Variants in FER observed in about 807,000 individuals in gnomAD.
FER encodes tyrosine-protein kinase Fer.
Under a neutral mutation model 111.0 loss-of-function variants are expected in FER, and 63 were observed. That is an observed-to-expected ratio of 0.57 (90% CI 0.46 to 0.70). The LOEUF (loss-of-function observed/expected upper bound fraction) is 0.70. Ranked by LOEUF, FER falls within the 30% of genes least tolerant of loss-of-function variation. FER has a pLI of 0.00. For synonymous variants in FER, 327 were observed against 313.9 expected (o/e 1.04, Z -0.44); for missense variants, 914 against 954.0 (o/e 0.96, Z 0.55).
At chr5:109,117,865 T>G (rs572294929) in intron 17 of FER, among the ~76,000 whole-genome samples, 6 of 152,014 alleles carry the variant, frequency 3.9e-5, no homozygotes, top group East Asian at 1.9e-4. Flanking sequence ...TTTTGTATCC[T>G]GAGACTTTGC....
intron 13 of FER, among the ~76,000 whole-genome samples, chr5:108,962,262 T>G (rs189568350): frequency 6.6e-6 from 1 of 152,330 alleles, no homozygotes; most frequent in Non-Finnish European, 1.5e-5. Context: ...AAGAAATTTT[T>G]GTAAAGAGGG....
chr5:108,773,254 T>A (rs1261254228), intron 2 of FER, among the ~76,000 whole-genome samples: 1 of 152,154 alleles, frequency 6.6e-6, no homozygotes, highest in African/African-American at 2.4e-5. Context: ...GGTAAACATG[T>A]GCCATGGTGG....
intron 3 of FER, among the ~76,000 whole-genome samples, chr5:108,826,979 TTAAG>T (rs936616951): frequency 6.6e-6 from 1 of 152,174 alleles, no homozygotes; most frequent in Non-Finnish European, 1.5e-5. Context: ...TAGAGACAAT[TTAAG>T]TAGCACCAAA....
intron 17 of FER, among the ~76,000 whole-genome samples, chr5:109,142,398 C>T (rs980513838): frequency 6.6e-6 from 1 of 151,972 alleles, no homozygotes; most frequent in African/African-American, 2.4e-5. Flanking sequence ...GATGGTGAGC[C>T]ACTGAACAGG....
chr5:108,910,726 C>G (rs1353864220), intron 10 of FER, among the ~76,000 whole-genome samples: 7 of 151,914 alleles, frequency 4.6e-5, no homozygotes, highest in Admixed American at 1.3e-4. Flanking sequence ...TAAGTGAGAA[C>G]ATACGGTATT....
intron 10 of FER, among the ~76,000 whole-genome samples, chr5:108,938,494 G>T (rs1213123899): frequency 6.6e-6 from 1 of 152,006 alleles, no homozygotes; most frequent in African/African-American, 2.4e-5. Flanking sequence ...GTGTTTAGTT[G>T]CTTGGGTGTG....
At chr5:109,187,296 T>C in intron 19 of FER, 137 bp from the exon 20 acceptor site, 2 of 813,312 alleles carry the variant, frequency 2.5e-6, no homozygotes, top group Non-Finnish European at 3.8e-6. Flanking sequence ...AAACTCAGCC[T>C]CCCCAGAAAT....
intron 3 of FER, among the ~76,000 whole-genome samples, chr5:108,828,426 C>T (rs966869089): frequency 5.3e-5 from 8 of 151,990 alleles, no homozygotes; most frequent in Non-Finnish European, 7.4e-5. Context: ...CACTTCTTTC[C>T]GTCAGTCTCT....
chr5:108,874,631 C>A (rs1245157844), intron 8 of FER, among the ~76,000 whole-genome samples: 2 of 147,588 alleles, frequency 1.4e-5, no homozygotes, highest in African/African-American at 2.5e-5. Flanking sequence ...TTTTTTTTAA[C>A]TTAGTAGTGC....
chr5:109,067,568 T>C (rs1310796234), intron 16 of FER, among the ~76,000 whole-genome samples: 2 of 152,146 alleles, frequency 1.3e-5, no homozygotes, highest in Non-Finnish European at 2.9e-5. Context: ...CTTGGAGTTA[T>C]TTACATCAGT....
chr5:109,117,814 G>C (rs1018362141), intron 17 of FER, among the ~76,000 whole-genome samples: 7 of 151,564 alleles, frequency 4.6e-5, no homozygotes, highest in African/African-American at 1.7e-4. Flanking sequence ...CTGTTTGTCT[G>C]TTATTGGTGT....
chr5:109,103,682 TTG>T (rs550941018), intron 17 of FER, among the ~76,000 whole-genome samples: 113 of 152,332 alleles, frequency 7.4e-4, no homozygotes, highest in African/African-American at 2.5e-3. Flanking sequence ...TCTTTCCTAC[TTG>T]TACTTTATGA....
At chr5:109,106,447 C>G (rs1471452426) in intron 17 of FER, among the ~76,000 whole-genome samples, 1 of 152,002 alleles carries the variant, frequency 6.6e-6, no homozygotes, top group Admixed American at 6.6e-5. Flanking sequence ...GTGATAATCT[C>G]AGTTAGTTGA....
At chr5:109,056,872 G>T (rs1031460791) in intron 16 of FER, among the ~76,000 whole-genome samples, 3 of 152,106 alleles carry the variant, frequency 2.0e-5, no homozygotes, top group Non-Finnish European at 4.4e-5. Context: ...AAATCAGGTA[G>T]TATTAGTCCG....
chr5:108,776,473 T>C (rs949204944), intron 2 of FER, among the ~76,000 whole-genome samples: 7 of 152,134 alleles, frequency 4.6e-5, no homozygotes, highest in Admixed American at 1.3e-4. Flanking sequence ...TCTTTGTACT[T>C]GGAGAATGTA....
At chr5:109,061,165 T>C (rs1394319322) in intron 16 of FER, among the ~76,000 whole-genome samples, 1 of 152,204 alleles carries the variant, frequency 6.6e-6, no homozygotes, top group African/African-American at 2.4e-5. Context: ...TTGGATTACA[T>C]GACCTCTAAA....
At chr5:108,826,947 C>CATTT (rs1561476659) in intron 3 of FER, among the ~76,000 whole-genome samples, 6 of 151,628 alleles carry the variant, frequency 4.0e-5, no homozygotes, top group Non-Finnish European at 8.8e-5. Context: ...GTTTTAGAAA[C>CATTT]TTTTTTTTTA....
chr5:108,969,043 TA>T (rs1338822974), intron 13 of FER, among the ~76,000 whole-genome samples: 1 of 152,180 alleles, frequency 6.6e-6, no homozygotes, highest in African/African-American at 2.4e-5. Flanking sequence ...AAGATGTGGA[TA>T]AAAATGCTCT....
At chr5:109,065,754 G>A (rs542495767) in intron 16 of FER, among the ~76,000 whole-genome samples, 7 of 152,272 alleles carry the variant, frequency 4.6e-5, no homozygotes, top group African/African-American at 1.7e-4. Context: ...ACAAGGTTTT[G>A]TACATGTGGA....
Sources: gnomAD v4.1 joint callset for allele counts (sites outside exome capture counted in the v4.1 genomes callset) on GRCh38, gnomAD v4.1.1 for gene constraint, MANE v1.5 for transcripts, NCBI Gene and HGNC (gene_info 2026-07-23, HGNC 2026-07-21) for gene names.